RIOK3: variants seen among roughly 807,000 people sequenced by gnomAD.
RIOK3 encodes the protein serine/threonine-protein kinase RIO3.
RIOK3 carries 40 observed loss-of-function variants against 63.5 expected under a neutral mutation model. The observed-to-expected ratio is 0.63, with a 90% CI of 0.49 to 0.82. The LOEUF (loss-of-function observed/expected upper bound fraction) is 0.82. RIOK3 is among the 40% of genes least tolerant of loss of function. The pLI is 0.00. For missense variants in RIOK3, 557 were observed against 637.0 expected, an observed-to-expected ratio of 0.87 and a Z score of 1.35; for synonymous variants, 193 against 205.0, an observed-to-expected ratio of 0.94 and a Z score of 0.50.
intron 1 of RIOK3, among the ~76,000 whole-genome samples, chr18:23,457,034 A>T (rs1429983180): frequency 6.6e-6 from 1 of 152,234 alleles, no homozygotes; most frequent in Non-Finnish European, 1.5e-5. Flanking sequence ...TGATGATGTC[A>T]TCACATCTGA....
chr18:23,467,684 AAC>A lies in RIOK3; in HGVS notation c.815+162_815+163del, dbSNP rs2057419069. 9.4e-6 allele frequency: 5 copies of A among 532,966 alleles called. No homozygotes were observed. In the Admixed American group the frequency reaches 1.6e-4, roughly 17 times the overall value. 33.0% of individuals were successfully genotyped at this position (532,966 alleles called of 1,614,324 possible). A position where few individuals can be genotyped will look rare whatever the true frequency, so the allele number is the denominator to read the frequency against. ...CTAGGCAGTATAGGAATGTATAAAA[AAC>A]ACAGTCATCCTAATACCACCACCCA... is the stretch of plus-strand genomic sequence containing the variant. On this transcript the variant is annotated intron_variant, in intron 7 of 12. Coordinates refer to ENST00000339486, the MANE Select transcript of RIOK3 (RefSeq NM_003831.5).
At chr18:23,466,005 A>G (rs934608761) in intron 5 of RIOK3, 128 bp from the exon 6 acceptor site, 6 of 588,862 alleles carry the variant, frequency 1.0e-5, no homozygotes, top group African/African-American at 1.9e-5. Context: ...TGTAGTAGCT[A>G]TGATTTCTGG....
At chr18:23,465,775 A>G (rs747851646) in intron 5 of RIOK3, among the ~76,000 whole-genome samples, 20 of 152,214 alleles carry the variant, frequency 1.3e-4, no homozygotes, top group South Asian at 2.1e-4. Flanking sequence ...ACTCTCCACA[A>G]ATAATTACAA....
In RIOK3 at chr18:23,453,451, AG is replaced by A. The variant is rs1252103390; in HGVS notation, c.14del (p.Gly5GlufsTer34). 6.2e-7 allele frequency: 1 copy of A among 1,613,672 alleles called. No homozygotes were observed. The part of the protein sequence containing the change: MDLV[G>X]VASPEPGTAA... ...GCCTTCATTCCCGAATGGATCTGGT[AG>A]GAGTGGCATCGCCTGAGCCCGGGAC... is the stretch of plus-strand genomic sequence containing the variant. On this transcript the variant is annotated frameshift_variant, in exon 1 of 13. Transcript: ENST00000339486. LOFTEE classifies it high-confidence loss of function.
Position 23,481,281 on chromosome 18 carries a change from A to G in RIOK3, c.*2A>G. The G allele has an allele frequency of 6.6e-7, 1 of 1,507,806 alleles. No individual in the cohort carries two copies. Among genetic ancestry groups the G allele is most frequent in the Non-Finnish European group, 9.1e-7 (1 of 1,096,852 alleles). 93.4% of individuals were successfully genotyped at this position (1,507,806 alleles called of 1,614,324 possible). A position where few individuals can be genotyped will look rare whatever the true frequency, so the allele number is the denominator to read the frequency against. ...CCACCACTACTATATGATGAATAGCACTAATACCCACTGCTTCAGTGTTAA... is the reference window on the plus strand; with the variant it reads ...CCACCACTACTATATGATGAATAGCGCTAATACCCACTGCTTCAGTGTTAA... On this transcript the variant is annotated 3_prime_UTR_variant, in exon 13 of 13. Transcript: ENST00000339486.
At chr18:23,475,960 T>C (rs1180912562) in intron 9 of RIOK3, among the ~76,000 whole-genome samples, 3 of 148,996 alleles carry the variant, frequency 2.0e-5, no homozygotes, top group African/African-American at 7.5e-5. Flanking sequence ...TTTTTTTTTT[T>C]TTTCAAATAA....
rs1382267147 is a variant in RIOK3 at position 23,463,052 on chromosome 18, A to G, written c.152A>G (p.Glu51Gly). Residue 51 changes from glutamate to glycine, a missense_variant, in exon 2 of 13, where the codon GAA becomes GGA. By Grantham distance (98) the Glu-to-Gly change is moderately conservative. Coordinates refer to ENST00000339486, the MANE Select transcript of RIOK3 (RefSeq NM_003831.5). ...EQLAKELQLE[E>G]EAAVFPEVAV... ...CTGGCCAAAGAATTGCAGTTAGAAG[A>G]AGAAGCTGCCGTTTTTCCTGAAGTT... 6.2e-7 allele frequency: 1 copy of G among 1,609,516 alleles called. No individual in the cohort carries two copies. Among genetic ancestry groups the G allele is most frequent in the African/African-American group, 1.3e-5 (1 of 74,734 alleles).
intron 1 of RIOK3, among the ~76,000 whole-genome samples, chr18:23,460,357 G>A (rs933259410): frequency 1.4e-4 from 21 of 152,256 alleles, no homozygotes; most frequent in East Asian, 1.9e-4. Context: ...CACACATTTC[G>A]GGGTGAGATG....
In RIOK3 at chr18:23,453,387, C is replaced by T; in HGVS notation, c.-53C>T. On this transcript the variant is annotated 5_prime_UTR_variant, in exon 1 of 13. Transcript: ENST00000339486. The stretch of plus-strand genomic sequence containing the variant: ...CCGCCTGTCTCCTCGGCGGAGCCTG[C>T]TGCCCGTCCTGCCACCTCTCTGCTC... 7.0e-7 allele frequency: 1 copy of T among 1,430,030 alleles called. No individual in the cohort carries two copies. Among genetic ancestry groups the T allele is most frequent in the Non-Finnish European group, 9.9e-7 (1 of 1,014,070 alleles). 88.6% of individuals were successfully genotyped at this position (1,430,030 alleles called of 1,614,324 possible).
intron 1 of RIOK3, among the ~76,000 whole-genome samples, chr18:23,457,009 T>G (rs1180043166): frequency 6.6e-6 from 1 of 152,170 alleles, no homozygotes; most frequent in Non-Finnish European, 1.5e-5. Context: ...AAGCACACAT[T>G]CCATTGGCCA....
intron 12 of RIOK3, among the ~76,000 whole-genome samples, chr18:23,480,690 A>T: frequency 6.6e-6 from 1 of 152,082 alleles, no homozygotes; most frequent in Non-Finnish European, 1.5e-5. Context: ...CACTCCTGTT[A>T]TATCTGTTAT....
chr18:23,477,191 G>A lies in RIOK3; in HGVS notation c.1267G>A (p.Asp423Asn), dbSNP rs752261947. 3.7e-6 allele frequency: 6 copies of A among 1,614,030 alleles called. No individual in the cohort carries two copies. Among genetic ancestry groups the A allele is most frequent in the Non-Finnish European group, 5.1e-6 (6 of 1,179,908 alleles). Residue 423 changes from aspartate (D) to asparagine (N), a missense_variant, in exon 11 of 13, where the codon GAT becomes AAT. Asp to Asn is a conservative substitution (Grantham distance 23). Around this residue, in one of 3 missense-constraint regions of RIOK3, gnomAD observed 309 missense variants for 338.7 expected, o/e 0.91. Transcript: ENST00000339486. ...LWHAGKVWLI[D>N]VSQSVEPTHP... Reference sequence around the variant, plus strand: ...TGTATTGAAATAGGTCTGGTTGATCGATGTCAGTCAGTCAGTAGAACCTAC... The same window carrying A: ...TGTATTGAAATAGGTCTGGTTGATCAATGTCAGTCAGTCAGTAGAACCTAC...
At chr18:23,455,627 G>A (rs1036915962) in intron 1 of RIOK3, among the ~76,000 whole-genome samples, 13 of 151,676 alleles carry the variant, frequency 8.6e-5, no homozygotes, top group Non-Finnish European at 1.8e-4. Flanking sequence ...TCCTGACCTC[G>A]TGATCCGCCC....
At chr18:23,466,997 G>GTC (rs2057413012) in intron 6 of RIOK3, among the ~76,000 whole-genome samples, 2 of 151,026 alleles carry the variant, frequency 1.3e-5, no homozygotes, top group Admixed American at 6.6e-5. Flanking sequence ...GTGAGACCCT[G>GTC]TCTCTCTCTC....
At position 23,473,524 on chromosome 18, in the gene RIOK3, A is replaced by T; in HGVS notation, c.911A>T (p.Lys304Ile). Residue 304 changes from lysine to isoleucine, a missense_variant, in exon 8 of 13, where the codon AAA becomes ATA. Coordinates refer to ENST00000339486, the MANE Select transcript of RIOK3 (RefSeq NM_003831.5). The part of the protein sequence containing the change: ...TTLNEFKNRD[K>I]YIKDDFRFKD... ...CTTAATGAATTTAAGAATCGTGACAAATATATTAAAGATGATTTCAGGTTT... is the reference window on the plus strand; with the variant it reads ...CTTAATGAATTTAAGAATCGTGACATATATATTAAAGATGATTTCAGGTTT... 6.2e-7 allele frequency: 1 copy of T among 1,613,192 alleles called. No individual in the cohort carries two copies. The highest frequency in any genetic ancestry group is 8.5e-7 in the Non-Finnish European group (1 of 1,179,246).
rs779698307 is a variant in RIOK3, at chr18:23,480,555, G to GCGCACACACACACA, written c.1453-616_1453-615insGCACACACACACAC. Among the ~76,000 whole-genome samples the GCGCACACACACACA allele has an allele frequency of 5.7e-3, 806 of 142,084 alleles. 3 individuals are homozygous for GCGCACACACACACA. Among genetic ancestry groups the GCGCACACACACACA allele is most frequent in the African/African-American group, 0.013 (479 of 37,518 alleles). The allele number at this position is 142,084 out of a possible 152,430, so 93.2% of individuals were successfully genotyped here. ...ACTATTTGTGTATACTTGGATGCAC[G>GCGCACACACACACA]CACACACACACACACACACACACAC... is the stretch of plus-strand genomic sequence containing the variant. On this transcript the variant is annotated intron_variant, in intron 12 of 12. Coordinates refer to ENST00000339486, the MANE Select transcript of RIOK3 (RefSeq NM_003831.5).
intron 12 of RIOK3, among the ~76,000 whole-genome samples, chr18:23,480,554 C>T (rs1486144439): frequency 2.9e-5 from 3 of 103,340 alleles, no homozygotes; most frequent in Non-Finnish European, 5.8e-5. Context: ...CTTGGATGCA[C>T]GCACACACAC....
chr18:23,482,513 GA>G lies in RIOK3; in HGVS notation c.*1249del, dbSNP rs35547628. 0.45 allele frequency: 64,303 copies of G among 144,002 alleles called. 14,559 individuals carry two copies. The highest frequency in any genetic ancestry group is 0.53 in the Non-Finnish European group (34,372 of 65,382). 8.9% of individuals were successfully genotyped at this position (144,002 alleles called of 1,614,324 possible). A position where few individuals can be genotyped will look rare whatever the true frequency, so the allele number is the denominator to read the frequency against. ...TGACAGAGGGAAACTCCATCTCCAG[GA>G]AAAAAAAAAAAAAACCCAATTTGGA... On this transcript the variant is annotated 3_prime_UTR_variant, in exon 13 of 13. Coordinates refer to ENST00000339486, the MANE Select transcript of RIOK3 (RefSeq NM_003831.5).
intron 7 of RIOK3, among the ~76,000 whole-genome samples, chr18:23,470,545 T>C (rs1205235025): frequency 6.6e-6 from 1 of 152,222 alleles, no homozygotes; most frequent in African/African-American, 2.4e-5. Context: ...TGATAGTTAT[T>C]GCCTCTGGTG....
Sources: gnomAD v4.1 joint callset for allele counts (sites outside exome capture counted in the v4.1 genomes callset) on GRCh38, gnomAD v4.1.1 for gene constraint, gnomAD v4.1.1 regional missense constraint, MANE v1.5 for transcripts, NCBI Gene and HGNC (gene_info 2026-07-23, HGNC 2026-07-21) for gene names.